The following PRR5L variants were observed in gnomAD, a reference collection of about 807,000 sequenced individuals.
PRR5L encodes the protein proline-rich protein 5-like.
Under a neutral mutation model 36.4 loss-of-function variants are expected in PRR5L, and 21 were observed. That is an observed-to-expected ratio of 0.58 (90% CI 0.41 to 0.83). The LOEUF (loss-of-function observed/expected upper bound fraction) is 0.83, where lower values mean the gene tolerates loss of function less well. Among genes scored for constraint, PRR5L ranks in the 40% least tolerant of loss-of-function variants. The probability of loss-of-function intolerance (pLI) is 0.00; values close to 1 mark genes in which losing one functional copy is unlikely to be tolerated. For synonymous variants in PRR5L, 188 were observed against 197.0 expected, an observed-to-expected ratio of 0.95 and a Z score of 0.38; for missense variants, 381 against 473.3, an observed-to-expected ratio of 0.80 and a Z score of 1.81.
chr11:36,374,107 T>TTCCTTCCTGC (rs1554989613), intron 1 of PRR5L, among the ~76,000 whole-genome samples: 16 of 90,558 alleles, frequency 1.8e-4, no homozygotes, highest in Non-Finnish European at 2.2e-4. Context: ...CCTTCCTTCC[T>TTCCTTCCTGC]CTCTCTCTCT....
rs546112776 is a variant in PRR5L, at chr11:36,331,313, G to A, written c.-126+34875G>A. On this transcript the variant is annotated intron_variant, in intron 1 of 8. Transcript: ENST00000530639. ...ATAAATTCTTTCAGATTTTTCAGGC[G>A]CTGTCTTGATCTCAAAATCAGTTTG... Among the ~76,000 whole-genome samples the A allele has an allele frequency of 2.0e-4, 30 of 152,162 alleles. No homozygotes were observed. The East Asian group carries it at 4.1e-3, about 21-fold the overall frequency.
At chr11:36,323,276 C>T (rs1423648460) in intron 1 of PRR5L, 2 of 152,184 alleles carry the variant, frequency 1.3e-5, no homozygotes, top group East Asian at 1.9e-4. Flanking sequence ...AGTGGGTTCT[C>T]GTATCATTGA....
intron 3 of PRR5L, among the ~76,000 whole-genome samples, chr11:36,418,693 G>A (rs1337054231): frequency 6.6e-6 from 1 of 152,032 alleles, no homozygotes; most frequent in African/African-American, 2.4e-5. Flanking sequence ...CTACTCGGGA[G>A]GCTGAGGCAG....
chr11:36,345,354 C>A (rs1856854384), intron 1 of PRR5L, among the ~76,000 whole-genome samples: 1 of 152,072 alleles, frequency 6.6e-6, no homozygotes. Context: ...GGGCGGGTAA[C>A]CTGCCATAGG....
intron 5 of PRR5L, among the ~76,000 whole-genome samples, chr11:36,435,175 A>G (rs983900448): frequency 2.0e-5 from 3 of 152,140 alleles, no homozygotes; most frequent in Admixed American, 2.0e-4. Context: ...TCAGATTGTG[A>G]GAGGGTCCTT....
chr11:36,400,628 T>TC (rs1227338003), intron 1 of PRR5L, among the ~76,000 whole-genome samples: 1 of 152,200 alleles, frequency 6.6e-6, no homozygotes, highest in African/African-American at 2.4e-5. Context: ...TCTTGTGTCC[T>TC]CCTTGAGACA....
intron 1 of PRR5L, among the ~76,000 whole-genome samples, chr11:36,298,178 A>C (rs1856333768): frequency 6.6e-6 from 1 of 152,192 alleles, no homozygotes. Flanking sequence ...ATGACAAAAT[A>C]TCACAGACTG....
At chr11:36,299,329 C>T (rs1035898771) in intron 1 of PRR5L, among the ~76,000 whole-genome samples, 1 of 152,170 alleles carries the variant, frequency 6.6e-6, no homozygotes, top group Non-Finnish European at 1.5e-5. Context: ...AGGGACACAG[C>T]ATCTTGGAGG....
chr11:36,415,771 A>G (rs11033613), intron 3 of PRR5L, among the ~76,000 whole-genome samples: 16,965 of 152,098 alleles, frequency 0.11, 1,068 homozygotes, highest in African/African-American at 0.17. Context: ...TAATTAAAAA[A>G]TAAATAAAAT....
At position 36,399,883 on chromosome 11, in the gene PRR5L, C is replaced by T. The variant is rs1032009083; in HGVS notation, c.-125-1114C>T. Among the ~76,000 whole-genome samples the T allele has an allele frequency of 5.3e-5, 8 of 152,228 alleles. 1 individual carries two copies. The South Asian group carries it at 6.2e-4, about 12-fold the overall frequency. On this transcript the variant is annotated intron_variant, in intron 1 of 8. Transcript: ENST00000530639. ...AGCCAGTCCTTGAGGCCCATGGCTCCGCCATTCTGCCAGCCATGTCACATG... is the reference window on the plus strand; with the variant it reads ...AGCCAGTCCTTGAGGCCCATGGCTCTGCCATTCTGCCAGCCATGTCACATG...
chr11:36,369,378 T>G (rs1348771365), intron 1 of PRR5L, among the ~76,000 whole-genome samples: 7 of 152,104 alleles, frequency 4.6e-5, no homozygotes, highest in Non-Finnish European at 8.8e-5. Context: ...ACACTTTGAT[T>G]GGCACATCTC....
chr11:36,362,066 A>AC (rs957328258), intron 1 of PRR5L: 2 of 151,532 alleles, frequency 1.3e-5, no homozygotes, highest in African/African-American at 4.9e-5. Flanking sequence ...GGCAAAAAAA[A>AC]AAAAAAAAGA....
At chr11:36,326,202 A>G (rs1243834838) in intron 1 of PRR5L, among the ~76,000 whole-genome samples, 1 of 151,890 alleles carries the variant, frequency 6.6e-6, no homozygotes, top group African/African-American at 2.4e-5. Context: ...GTGTCCCTTC[A>G]TCCTCCAATA....
At chr11:36,320,642 G>A (rs1383149859) in intron 1 of PRR5L, among the ~76,000 whole-genome samples, 3 of 152,172 alleles carry the variant, frequency 2.0e-5, no homozygotes, top group South Asian at 4.1e-4. Flanking sequence ...GGTGGTGTAC[G>A]GATTAGAGCT....
intron 1 of PRR5L, among the ~76,000 whole-genome samples, chr11:36,350,218 G>T (rs537702826): frequency 6.0e-4 from 88 of 147,884 alleles, no homozygotes; most frequent in African/African-American, 2.0e-3. Flanking sequence ...GTGTGGGGTG[G>T]GTGTGTGTGG....
intron 7 of PRR5L, among the ~76,000 whole-genome samples, chr11:36,450,886 A>C (rs1044331525): frequency 2.0e-5 from 3 of 152,264 alleles, no homozygotes; most frequent in East Asian, 3.8e-4. Context: ...TTTATGAACC[A>C]GTCACGATGA....
intron 1 of PRR5L, among the ~76,000 whole-genome samples, chr11:36,328,415 C>T (rs573602542): frequency 1.3e-5 from 2 of 152,174 alleles, no homozygotes; most frequent in African/African-American, 4.8e-5. Flanking sequence ...GATAGAGTTC[C>T]CACAAGATTT....
chr11:36,313,142 GTTC>G (rs1856521017), intron 1 of PRR5L, among the ~76,000 whole-genome samples: 2 of 152,322 alleles, frequency 1.3e-5, no homozygotes, highest in South Asian at 2.1e-4. Flanking sequence ...AAAGTTAATA[GTTC>G]TTCTAATAGG....
At chr11:36,447,924 G>C (rs528226594) in intron 7 of PRR5L, among the ~76,000 whole-genome samples, 1 of 152,204 alleles carries the variant, frequency 6.6e-6, no homozygotes, top group Non-Finnish European at 1.5e-5. Flanking sequence ...TGAATAAGGA[G>C]TCTTGAAAAT....
Sources: gnomAD v4.1 joint callset for allele counts (sites outside exome capture counted in the v4.1 genomes callset) on GRCh38, gnomAD v4.1.1 for gene constraint, MANE v1.5 for transcripts, NCBI Gene and HGNC (gene_info 2026-07-23, HGNC 2026-07-21) for gene names.